Variants in ST6GALNAC3 observed in about 807,000 individuals in gnomAD.
ST6GALNAC3 encodes ST6 N-acetylgalactosaminide alpha-2,6-sialyltransferase 3.
In ST6GALNAC3, 25 loss-of-function variants were observed where a neutral mutation model predicts 32.7. The ratio of observed to expected loss-of-function variants is 0.76; its 90% CI spans 0.56 to 1.07. The LOEUF is 1.07. ST6GALNAC3 is among the 50% of genes least tolerant of loss of function. The pLI is 0.00. For synonymous variants in ST6GALNAC3, 129 were observed against 133.1 expected (o/e 0.97, Z 0.21); for missense variants, 355 against 382.4 (o/e 0.93, Z 0.60).
At chr1:76,300,944 A>G (rs74634476) in intron 1 of ST6GALNAC3, among the ~76,000 whole-genome samples, 2,048 of 152,154 alleles carry the variant, frequency 0.013, 21 homozygotes, top group Non-Finnish European at 0.02. Context: ...AGGAAAGGAA[A>G]GAAGACATTG....
At chr1:76,170,370 C>T (rs1289915280) in intron 1 of ST6GALNAC3, among the ~76,000 whole-genome samples, 7 of 152,174 alleles carry the variant, frequency 4.6e-5, no homozygotes. Context: ...ATGGTGTTGG[C>T]TTGGGGGTGG....
intron 1 of ST6GALNAC3, among the ~76,000 whole-genome samples, chr1:76,269,019 T>A (rs942480433): frequency 1.3e-5 from 2 of 152,366 alleles, no homozygotes; most frequent in East Asian, 1.9e-4. Flanking sequence ...ATGTTATTAC[T>A]ACAGCAAAAC....
At chr1:76,121,791 C>T (rs1648895525) in intron 1 of ST6GALNAC3, among the ~76,000 whole-genome samples, 1 of 152,192 alleles carries the variant, frequency 6.6e-6, no homozygotes, top group African/African-American at 2.4e-5. Flanking sequence ...ATATCATACT[C>T]AGAAAAAATG....
intron 3 of ST6GALNAC3, among the ~76,000 whole-genome samples, chr1:76,462,433 T>A (rs1309474424): frequency 6.6e-6 from 1 of 152,140 alleles, no homozygotes; most frequent in African/African-American, 2.4e-5. Flanking sequence ...CAGTTGGCAC[T>A]TATCTGTGAT....
At chr1:76,356,236 C>T (rs1477642162) in intron 2 of ST6GALNAC3, among the ~76,000 whole-genome samples, 1 of 152,058 alleles carries the variant, frequency 6.6e-6, no homozygotes, top group African/African-American at 2.4e-5. Flanking sequence ...TTGAATCCAT[C>T]CTCCATTGCC....
At chr1:76,258,306 A>G (rs1658031999) in intron 1 of ST6GALNAC3, among the ~76,000 whole-genome samples, 1 of 152,188 alleles carries the variant, frequency 6.6e-6, no homozygotes, top group Non-Finnish European at 1.5e-5. Flanking sequence ...TAGTTATGAC[A>G]TAATTCAGTT....
intron 3 of ST6GALNAC3, among the ~76,000 whole-genome samples, chr1:76,441,479 T>C (rs1439367614): frequency 6.6e-6 from 1 of 152,098 alleles, no homozygotes; most frequent in East Asian, 1.9e-4. Flanking sequence ...TTTTTTTTCA[T>C]TTTTAATTTT....
intron 3 of ST6GALNAC3, among the ~76,000 whole-genome samples, chr1:76,519,499 C>T (rs1662379380): frequency 6.6e-6 from 1 of 152,036 alleles, no homozygotes; most frequent in Non-Finnish European, 1.5e-5. Context: ...GAGTAGTAGA[C>T]TGACGAACTG....
intron 1 of ST6GALNAC3, among the ~76,000 whole-genome samples, chr1:76,166,973 T>C (rs540746623): frequency 6.6e-6 from 1 of 152,292 alleles, no homozygotes; most frequent in Admixed American, 6.5e-5. Flanking sequence ...CTTCCTCTCT[T>C]CCGATTTTGA....
At chr1:76,458,701 C>T (rs1485691856) in intron 3 of ST6GALNAC3, among the ~76,000 whole-genome samples, 1 of 131,794 alleles carries the variant, frequency 7.6e-6, no homozygotes, top group Non-Finnish European at 1.5e-5. Context: ...CACATGGACA[C>T]AGGAAGGGGA....
In ST6GALNAC3 at chr1:76,412,417, G is replaced by T; in HGVS notation, c.623G>T (p.Arg208Ile). ...TTTAAGAAGGAAACTGGGAAGGACA[G>T]GTGAGCCCTCTCTGAAGCAGCTTTA... ...GVFKKETGKD[R>I]VQSGSYLSTG... is the part of the protein sequence containing the mutation. The change falls in exon 3 of 5, where the codon AGA becomes ATA. Residue 208 changes from arginine (R) to isoleucine (I), a missense_variant and splice_region_variant. Coordinates refer to ENST00000328299, the MANE Select transcript of ST6GALNAC3 (RefSeq NM_152996.4). The T allele has an allele frequency of 1.3e-6, 2 of 1,588,576 alleles. No individual in the cohort carries two copies. Among genetic ancestry groups the T allele is most frequent in the South Asian group, 1.1e-5 (1 of 88,156 alleles).
At chr1:76,223,956 G>C (rs1286350521) in intron 1 of ST6GALNAC3, among the ~76,000 whole-genome samples, 1 of 152,168 alleles carries the variant, frequency 6.6e-6, no homozygotes, top group Non-Finnish European at 1.5e-5. Context: ...CAGAGTTTGA[G>C]TCAGACCCTG....
intron 2 of ST6GALNAC3, among the ~76,000 whole-genome samples, chr1:76,370,603 C>T (rs576661485): frequency 8.6e-5 from 13 of 152,006 alleles, no homozygotes; most frequent in African/African-American, 3.1e-4. Flanking sequence ...TGGCGATAAA[C>T]TGAAGAATCA....
intron 3 of ST6GALNAC3, among the ~76,000 whole-genome samples, chr1:76,616,180 C>T (rs1248115689): frequency 1.3e-5 from 2 of 152,086 alleles, no homozygotes; most frequent in Non-Finnish European, 2.9e-5. Context: ...ATGGAAAAGA[C>T]CCCAACCACT....
At position 76,608,098 on chromosome 1, in the gene ST6GALNAC3, A is replaced by G. The variant is rs887718524; in HGVS notation, c.624-19354A>G. Among the ~76,000 whole-genome samples the G allele has an allele frequency of 2.0e-5, 3 of 152,232 alleles. No individual in the cohort carries two copies. The East Asian group carries it at 5.8e-4, about 29-fold the overall frequency. ...TTTAGTGTCCTGCCTCATATGAAGT[A>G]CAATTTCATTACAAAATAGCAAGTG... is the stretch of plus-strand genomic sequence containing the variant. On this transcript the variant is annotated intron_variant, in intron 3 of 4. Transcript: ENST00000328299.
At position 76,129,525 on chromosome 1, in the gene ST6GALNAC3, CCTT is replaced by C. The variant is rs536190939; in HGVS notation, c.18+54645_18+54647del. Among the ~76,000 whole-genome samples, 219 of 152,266 alleles carry C rather than the reference CCTT, an allele frequency of 1.4e-3. 1 individual carries two copies. Among genetic ancestry groups the C allele is most frequent in the African/African-American group, 4.9e-3 (203 of 41,560 alleles). On this transcript the variant is annotated intron_variant, in intron 1 of 4. Coordinates refer to ENST00000328299, the MANE Select transcript of ST6GALNAC3 (RefSeq NM_152996.4). ...GTGAGGGTATCACCCTGTTAACAAT[CCTT>C]CTTTACGTCCCTTCTTTAACTGTTG...
intron 2 of ST6GALNAC3, among the ~76,000 whole-genome samples, chr1:76,342,558 T>C (rs1402278657): frequency 6.6e-6 from 1 of 151,950 alleles, no homozygotes; most frequent in East Asian, 1.9e-4. Flanking sequence ...TGATGTTTTT[T>C]TTTTCTTGTA....
intron 1 of ST6GALNAC3, among the ~76,000 whole-genome samples, chr1:76,225,180 T>C (rs1006801031): frequency 2.0e-5 from 3 of 152,152 alleles, no homozygotes; most frequent in Non-Finnish European, 4.4e-5. Flanking sequence ...CAAAATTCTT[T>C]ATGCTGAAAG....
intron 3 of ST6GALNAC3, chr1:76,576,922 G>T: frequency 7.7e-7 from 1 of 1,296,602 alleles, no homozygotes. Flanking sequence ...CAAAAGGAAG[G>T]AAGGAATAAA....
Sources: allele counts gnomAD v4.1 joint callset (sites outside exome capture counted in the v4.1 genomes callset), GRCh38; gene constraint gnomAD v4.1.1; transcripts MANE v1.5; gene names NCBI Gene and HGNC (gene_info 2026-07-23, HGNC 2026-07-21).